ENPP3: variants seen among roughly 807,000 people sequenced by gnomAD.
ENPP3 encodes ectonucleotide pyrophosphatase/phosphodiesterase family member 3.
A neutral mutation model predicts 117.8 loss-of-function variants in ENPP3; 104 were observed. That is an observed-to-expected ratio of 0.88 (90% CI 0.75 to 1.04). The LOEUF is 1.04. ENPP3 is among the 50% of genes least tolerant of loss of function. The pLI is 0.00. For missense variants in ENPP3, 1,026 were observed against 1,051.9 expected, an observed-to-expected ratio of 0.98 and a Z score of 0.34; for synonymous variants, 380 against 349.9, an observed-to-expected ratio of 1.09 and a Z score of -0.96.
chr6:131,693,761 A>C, intron 15 of ENPP3, 137 bp downstream of exon 15: 1 of 808,544 alleles, frequency 1.2e-6, no homozygotes, highest in South Asian at 1.7e-5. Flanking sequence ...TTTGTATGCT[A>C]TTTAGCAGTT....
rs1319115233 is a variant in ENPP3 at position 131,675,084 on chromosome 6, G to T, written c.767G>T (p.Trp256Leu). ...NPAWWHGQPM[W>L]LTAMYQGLKA... Reference sequence around the variant, plus strand: ...TTATCCTAAATTTTCTTACAGATGTGGCTGACAGCAATGTATCAAGGTTTA... The same window carrying T: ...TTATCCTAAATTTTCTTACAGATGTTGCTGACAGCAATGTATCAAGGTTTA... The change falls in exon 9 of 25, where the codon TGG becomes TTG. Residue 256 changes from tryptophan (W) to leucine (L), a missense_variant. By Grantham distance (61) the Trp-to-Leu change is moderately conservative. Transcript: ENST00000357639. 6.2e-7 allele frequency: 1 copy of T among 1,609,156 alleles called. No homozygotes were observed. The highest frequency in any genetic ancestry group is 8.5e-7 in the Non-Finnish European group (1 of 1,175,668).
chr6:131,741,899 C>A (rs1780534984), intron 24 of ENPP3, among the ~76,000 whole-genome samples: 1 of 151,992 alleles, frequency 6.6e-6, no homozygotes, highest in Non-Finnish European at 1.5e-5. Flanking sequence ...TGCATGAGTG[C>A]CTTCACCATG....
At chr6:131,726,230 G>A (rs1472769798) in intron 20 of ENPP3, 30 bp downstream of exon 20, 1 of 1,591,264 alleles carries the variant, frequency 6.3e-7, no homozygotes, top group Non-Finnish European at 8.6e-7. Flanking sequence ...GATCCATGCA[G>A]GCAAGAAATA....
At chr6:131,722,181 G>A (rs1409712336) in intron 17 of ENPP3, 46 bp from the exon 18 acceptor site, 1 of 1,405,972 alleles carries the variant, frequency 7.1e-7, no homozygotes. Context: ...AGGAGTTGTT[G>A]CTTTCCAGTG....
chr6:131,677,078 T>C lies in ENPP3; in HGVS notation c.938+277T>C, dbSNP rs977283991. 5.9e-5 allele frequency among the ~76,000 whole-genome samples: 9 copies of C among 151,704 alleles called. No individual in the cohort carries two copies. The East Asian group carries it at 9.7e-4, about 16-fold the overall frequency. ...CAGTGAGATACTGTCTCTAAAAAAA[T>C]GTAAAGAATTAGCTGGGCATGGTGG... On this transcript the variant is annotated intron_variant, in intron 10 of 24. Transcript: ENST00000357639.
Position 131,740,238 on chromosome 6 carries a change from C to T in ENPP3, c.2315C>T (p.Thr772Ile). 6.2e-7 allele frequency: 1 copy of T among 1,600,206 alleles called. No homozygotes were observed. Among genetic ancestry groups the T allele is most frequent in the Non-Finnish European group, 8.5e-7 (1 of 1,173,538 alleles). Reference sequence around the variant, plus strand: ...ATGTTTGTAAGACATTTAGCCAACACTGATGTTCCCATCCCAACACACTAC... The same window carrying T: ...ATGTTTGTAAGACATTTAGCCAACATTGATGTTCCCATCCCAACACACTAC... ...PDEITKHLAN[T>I]DVPIPTHYFV... is the part of the protein sequence containing the mutation. Residue 772 changes from threonine (T) to isoleucine (I), a missense_variant, in exon 24 of 25, where the codon ACT becomes ATT. By Grantham distance (89) the Thr-to-Ile change is moderately conservative. Coordinates refer to ENST00000357639, the MANE Select transcript of ENPP3 (RefSeq NM_005021.5).
chr6:131,686,007 A>C (rs1779146600), intron 14 of ENPP3, 100 bp downstream of exon 14: 1 of 487,598 alleles, frequency 2.1e-6, no homozygotes, highest in Non-Finnish European at 3.8e-6. Context: ...AATCTAAGCT[A>C]CTTGGAATTT....
At chr6:131,685,621 A>G in intron 13 of ENPP3, 126 bp downstream of exon 13, 3 of 894,230 alleles carry the variant, frequency 3.4e-6, no homozygotes, top group East Asian at 4.8e-5. Context: ...GACCACAGAG[A>G]AACAAGTGGG....
At chr6:131,637,957 A>T (rs1379720266) in intron 1 of ENPP3, among the ~76,000 whole-genome samples, 5 of 126,000 alleles carry the variant, frequency 4.0e-5, no homozygotes, top group East Asian at 2.3e-4. Context: ...CCTTGATTTT[A>T]TTTTCTTTTT....
At chr6:131,703,687 A>G (rs1779585677) in intron 15 of ENPP3, among the ~76,000 whole-genome samples, 1 of 150,178 alleles carries the variant, frequency 6.7e-6, no homozygotes, top group Admixed American at 6.7e-5. Flanking sequence ...GAAAAGGCAA[A>G]CATTTCTACA....
chr6:131,683,022 T>G (rs1779059296), intron 11 of ENPP3, 32 bp from the exon 12 acceptor site: 2 of 1,304,296 alleles, frequency 1.5e-6, no homozygotes. Context: ...GACAACTCAT[T>G]ACGACAATCT....
chr6:131,674,425 T>C, intron 8 of ENPP3, 144 bp downstream of exon 8: 1 of 759,930 alleles, frequency 1.3e-6, no homozygotes, highest in Non-Finnish European at 2.3e-6. Flanking sequence ...TTTACCACTA[T>C]TTGTAACTTG....
chr6:131,656,260 C>T (rs1778382251), intron 5 of ENPP3, among the ~76,000 whole-genome samples: 1 of 152,080 alleles, frequency 6.6e-6, no homozygotes, highest in South Asian at 2.1e-4. Context: ...AGCTTCATCA[C>T]AGGCAGTAAA....
chr6:131,646,889 A>C (rs1211329393), intron 2 of ENPP3, among the ~76,000 whole-genome samples: 1 of 150,008 alleles, frequency 6.7e-6, no homozygotes, highest in Non-Finnish European at 1.5e-5. Context: ...ATATACTTTT[A>C]TAAACTGTTT....
chr6:131,732,710 C>CATTATTATTATTATT (rs71030755), intron 20 of ENPP3, among the ~76,000 whole-genome samples: 2 of 131,750 alleles, frequency 1.5e-5, no homozygotes, highest in African/African-American at 2.8e-5. Context: ...TGGCCTAAGA[C>CATTATTATTATTATT]ATTATTATTA....
At chr6:131,680,937 C>T (rs1436488616) in intron 11 of ENPP3, among the ~76,000 whole-genome samples, 1 of 152,016 alleles carries the variant, frequency 6.6e-6, no homozygotes, top group Non-Finnish European at 1.5e-5. Flanking sequence ...AACTCATGCT[C>T]TCCTTGAGAG....
intron 20 of ENPP3, among the ~76,000 whole-genome samples, chr6:131,732,790 G>T (rs1055441152): frequency 6.8e-6 from 1 of 148,126 alleles, no homozygotes; most frequent in African/African-American, 2.5e-5. Flanking sequence ...AAGCTGGAGT[G>T]CAATGGCCCA....
intron 2 of ENPP3, among the ~76,000 whole-genome samples, chr6:131,645,930 G>A (rs1020373541): frequency 5.3e-5 from 8 of 151,802 alleles, no homozygotes; most frequent in Middle Eastern, 3.2e-3. Context: ...TTCAATTCTG[G>A]GAAATTTTAT....
intron 24 of ENPP3, 33 bp from the exon 25 acceptor site, chr6:131,746,753 T>TG: frequency 1.3e-6 from 2 of 1,575,060 alleles, no homozygotes; most frequent in Non-Finnish European, 1.7e-6. Context: ...TACTGCCTTG[T>TG]GAAAAAAAAA....
Sources: allele counts gnomAD v4.1 joint callset (sites outside exome capture counted in the v4.1 genomes callset), GRCh38; gene constraint gnomAD v4.1.1; transcripts MANE v1.5; gene names NCBI Gene and HGNC (gene_info 2026-07-23, HGNC 2026-07-21).